PCDH15: variants seen among roughly 807,000 people sequenced by gnomAD.
The protein encoded by PCDH15 is protocadherin related 15, also known as protocadherin-15.
PCDH15 carries 129 observed loss-of-function variants against 178.5 expected under a neutral mutation model. The ratio of observed to expected loss-of-function variants is 0.72; its 90% confidence interval spans 0.63 to 0.84. The LOEUF is 0.84. PCDH15 is among the 40% of genes least tolerant of loss of function. PCDH15 has a pLI of 0.00. For missense variants in PCDH15, 2,230 were observed against 2,099.9 expected (o/e 1.06, Z -1.21); for synonymous variants, 800 against 732.0 (o/e 1.09, Z -1.50).
In PCDH15 at chr10:54,965,608, C is replaced by CATAT. The variant is rs71461263; in HGVS notation, c.-79-68112_-79-68109dup. ...AGTATGGTTTTGTGAAACTTTGCTT[C>CATAT]ATATATATATATATATATATATATA... is the stretch of plus-strand genomic sequence containing the variant. On this transcript the variant is annotated intron_variant, in intron 2 of 5. Transcript: ENST00000458638. Among the ~76,000 whole-genome samples, 585 of 141,396 alleles carry CATAT rather than the reference C, an allele frequency of 4.1e-3. 2 individuals carry two copies. Among genetic ancestry groups the CATAT allele is most frequent in the Admixed American group, 7.4e-3 (104 of 14,106 alleles). The allele number at this position is 141,396 out of a possible 152,430, so 92.8% of individuals were successfully genotyped here.
chr10:53,995,853 A>G lies in PCDH15; in HGVS notation c.2752-88T>C, dbSNP rs2091815337. 3 of 1,171,154 alleles carry G rather than the reference A, an allele frequency of 2.6e-6. No individual in the cohort carries two copies. In the East Asian group the frequency reaches 7.0e-5, roughly 27 times the overall value. 72.5% of individuals were successfully genotyped at this position (1,171,154 alleles called of 1,614,324 possible). ...GATTGACTCCCAGTCTTCATATCAC[A>G]CAACTTATTTACCACTGTCAGCCTT... On this transcript the variant is annotated intron_variant, in intron 20 of 37. Coordinates refer to ENST00000644397, the MANE Select transcript of PCDH15 (RefSeq NM_001384140.1).
intron 17 of PCDH15, among the ~76,000 whole-genome samples, chr10:54,077,164 C>T (rs886286149): frequency 5.3e-5 from 8 of 152,026 alleles, no homozygotes; most frequent in Non-Finnish European, 1.2e-4. Flanking sequence ...CTGATATTCT[C>T]ATTACAAACT....
At chr10:55,517,619 A>G (rs753414062) in intron 2 of PCDH15, among the ~76,000 whole-genome samples, 1 of 152,164 alleles carries the variant, frequency 6.6e-6, no homozygotes, top group South Asian at 2.1e-4. Flanking sequence ...ACATGCAACT[A>G]TCATGCGTTC....
intron 20 of PCDH15, among the ~76,000 whole-genome samples, chr10:53,997,230 C>T (rs2134934453): frequency 1.3e-5 from 2 of 152,198 alleles, no homozygotes; most frequent in South Asian, 2.1e-4. Context: ...AAATTATGGA[C>T]TTTAGAATCT....
chr10:54,654,035 A>G (rs544062065), intron 2 of PCDH15, among the ~76,000 whole-genome samples: 1 of 152,292 alleles, frequency 6.6e-6, no homozygotes, highest in East Asian at 1.9e-4. Context: ...ACACAATGCA[A>G]TATTATTTAT....
chr10:54,265,864 T>C (rs2057643399), intron 8 of PCDH15, among the ~76,000 whole-genome samples: 1 of 151,962 alleles, frequency 6.6e-6, no homozygotes, highest in African/African-American at 2.4e-5. Flanking sequence ...GGTAGATAGA[T>C]TTATCGAGGC....
intron 2 of PCDH15, among the ~76,000 whole-genome samples, chr10:54,575,016 T>G (rs2133664097): frequency 6.7e-6 from 1 of 148,366 alleles, no homozygotes; most frequent in South Asian, 2.2e-4. Flanking sequence ...TGGATGATAT[T>G]GGAAAACATC....
chr10:53,896,742 A>C (rs1262508530), intron 26 of PCDH15, among the ~76,000 whole-genome samples: 1 of 152,108 alleles, frequency 6.6e-6, no homozygotes, highest in African/African-American at 2.4e-5. Flanking sequence ...TGGCAGCATC[A>C]GGTTCTTATA....
chr10:54,086,861 T>C (rs2094524464), intron 16 of PCDH15, among the ~76,000 whole-genome samples: 1 of 152,218 alleles, frequency 6.6e-6, no homozygotes, highest in Non-Finnish European at 1.5e-5. Context: ...CAATTTAGAC[T>C]AAAAGGATTT....
chr10:54,845,792 G>T (rs1953499005), intron 3 of PCDH15, among the ~76,000 whole-genome samples: 1 of 152,044 alleles, frequency 6.6e-6, no homozygotes, highest in Non-Finnish European at 1.5e-5. Context: ...TGAATGTAAA[G>T]ATGTTCACTG....
At chr10:53,823,204 T>C in intron 32 of PCDH15, 1 of 1,614,030 alleles carries the variant, frequency 6.2e-7, no homozygotes, top group East Asian at 2.2e-5. Flanking sequence ...CTTGCAGACT[T>C]CAGTTTGTTG....
chr10:55,434,601 C>T (rs2132061080), intron 2 of PCDH15, among the ~76,000 whole-genome samples: 1 of 120,442 alleles, frequency 8.3e-6, no homozygotes, highest in East Asian at 2.8e-4. Flanking sequence ...ATTACAAAGT[C>T]ATGACATTAA....
chr10:54,923,965 G>A (rs548431364), intron 2 of PCDH15, among the ~76,000 whole-genome samples: 3 of 137,498 alleles, frequency 2.2e-5, no homozygotes, highest in South Asian at 4.6e-4. Flanking sequence ...CTAATTTTCT[G>A]TATTAGTACA....
chr10:54,796,282 G>GTACCTATCTATC, intron 1 of PCDH15, among the ~76,000 whole-genome samples: 1 of 126,342 alleles, frequency 7.9e-6, no homozygotes, highest in Non-Finnish European at 1.7e-5. Flanking sequence ...ATGTATCTAT[G>GTACCTATCTATC]TATCTATCTA....
chr10:53,999,405 C>T (rs369745090), intron 20 of PCDH15, among the ~76,000 whole-genome samples: 42 of 152,230 alleles, frequency 2.8e-4, no homozygotes, highest in African/African-American at 9.9e-4. Context: ...TTTTCTCTCT[C>T]AATTTCTGTA....
intron 18 of PCDH15, among the ~76,000 whole-genome samples, chr10:54,048,257 TTTTG>T (rs1487865748): frequency 2.0e-5 from 3 of 152,048 alleles, no homozygotes; most frequent in Admixed American, 1.3e-4. Context: ...CTTATTTCTT[TTTTG>T]TTTGTTGAAT....
intron 2 of PCDH15, among the ~76,000 whole-genome samples, chr10:55,135,249 A>G (rs901356512): frequency 2.0e-5 from 3 of 152,186 alleles, no homozygotes; most frequent in African/African-American, 7.2e-5. Flanking sequence ...GAGGGATAAC[A>G]ACGGATCTGA....
intron 1 of PCDH15, among the ~76,000 whole-genome samples, chr10:55,193,518 C>T (rs1839999948): frequency 6.6e-6 from 1 of 151,902 alleles, no homozygotes; most frequent in Non-Finnish European, 1.5e-5. Flanking sequence ...AAAATGAGTT[C>T]TACTGCATCC....
intron 3 of PCDH15, among the ~76,000 whole-genome samples, chr10:54,486,569 T>A (rs1368595603): frequency 6.6e-6 from 1 of 150,872 alleles, no homozygotes; most frequent in Admixed American, 6.6e-5. Flanking sequence ...TCTTTCTTCC[T>A]TTCCCTTCCT....
Sources: gnomAD v4.1 joint callset for allele counts (sites outside exome capture counted in the v4.1 genomes callset) on GRCh38, gnomAD v4.1.1 for gene constraint, MANE v1.5 for transcripts, NCBI Gene and HGNC (gene_info 2026-07-23, HGNC 2026-07-21) for gene names.